SLC6A11: variants seen among roughly 807,000 people sequenced by gnomAD.
The protein encoded by SLC6A11 is solute carrier family 6 member 11, also known as sodium- and chloride-dependent GABA transporter 3.
A neutral mutation model predicts 74.8 loss-of-function variants in SLC6A11; 25 were observed. The ratio of observed to expected loss-of-function variants is 0.33; its 90% confidence interval spans 0.24 to 0.47. The LOEUF is 0.47. SLC6A11 is among the 20% of genes least tolerant of loss of function. The pLI is 1.00. For missense variants in SLC6A11, 574 were observed against 837.0 expected, an observed-to-expected ratio of 0.69 and a Z score of 3.88; for synonymous variants, 330 against 330.2, an observed-to-expected ratio of 1.00 and a Z score of 0.01.
At chr3:10,842,255 A>G (rs17033503) in intron 4 of SLC6A11, among the ~76,000 whole-genome samples, 49,150 of 152,014 alleles carry the variant, frequency 0.32, 8,219 homozygotes, top group South Asian at 0.52. Flanking sequence ...TTCAGGTGGC[A>G]TTTGTAGATC....
chr3:10,927,774 C>T (rs1033689496), intron 9 of SLC6A11, among the ~76,000 whole-genome samples: 4 of 152,242 alleles, frequency 2.6e-5, no homozygotes, highest in African/African-American at 9.6e-5. Flanking sequence ...CTCTCTGTGC[C>T]TCATTCCCTT....
At chr3:10,863,800 G>A (rs1694732123) in intron 5 of SLC6A11, among the ~76,000 whole-genome samples, 1 of 152,098 alleles carries the variant, frequency 6.6e-6, no homozygotes, top group African/African-American at 2.4e-5. Flanking sequence ...GTTTGTTCAG[G>A]GGACACAGGA....
intron 7 of SLC6A11, among the ~76,000 whole-genome samples, chr3:10,917,305 C>T (rs887966840): frequency 2.6e-5 from 4 of 152,130 alleles, no homozygotes; most frequent in Admixed American, 2.6e-4. Flanking sequence ...AAGAGCTGTC[C>T]AACAAGGGGA....
At chr3:10,823,107 T>C (rs1384255294) in intron 3 of SLC6A11, among the ~76,000 whole-genome samples, 195 bp from the exon 4 acceptor site, 1 of 152,164 alleles carries the variant, frequency 6.6e-6, no homozygotes, top group African/African-American at 2.4e-5. Context: ...CCCATAAACC[T>C]TTCCTCCTGT....
intron 5 of SLC6A11, among the ~76,000 whole-genome samples, chr3:10,852,286 C>T (rs577546378): frequency 2.8e-4 from 43 of 152,348 alleles, no homozygotes; most frequent in African/African-American, 9.9e-4. Context: ...AGAGCCCCTG[C>T]CCCGGGGCCC....
At position 10,820,782 on chromosome 3, in the gene SLC6A11, A is replaced by G. The variant is rs1177885581; in HGVS notation, c.532+930A>G. Among the ~76,000 whole-genome samples, 14 of 152,178 alleles carry G rather than the reference A, an allele frequency of 9.2e-5. 1 individual carries two copies. Among genetic ancestry groups the G allele is most frequent in the Non-Finnish European group, 2.1e-4 (14 of 68,038 alleles). On this transcript the variant is annotated intron_variant, in intron 3 of 13. Transcript: ENST00000254488. ...CTTCTCAGTCTAGTCTTGGCCTTAG[A>G]ACCCTTCTCCAATAGTGCTCCAGAG... is the stretch of plus-strand genomic sequence containing the variant.
At chr3:10,858,317 A>G (rs1694662358) in intron 5 of SLC6A11, among the ~76,000 whole-genome samples, 1 of 152,208 alleles carries the variant, frequency 6.6e-6, no homozygotes, top group Non-Finnish European at 1.5e-5. Context: ...ATATATGTAA[A>G]ACAGAGTTAG....
intron 6 of SLC6A11, among the ~76,000 whole-genome samples, chr3:10,901,208 C>G (rs1413117048): frequency 2.6e-5 from 4 of 152,170 alleles, no homozygotes; most frequent in Non-Finnish European, 1.5e-5. Flanking sequence ...CTGAGCCTCC[C>G]GTATTTAGCG....
chr3:10,873,802 CCTATG>C (rs1694871293), intron 5 of SLC6A11, among the ~76,000 whole-genome samples: 1 of 148,234 alleles, frequency 6.7e-6, no homozygotes, highest in Non-Finnish European at 1.5e-5. Flanking sequence ...CCTATCCTAT[CCTATG>C]CTATCCTATC....
At chr3:10,922,288 T>C (rs1380926993) in intron 8 of SLC6A11, among the ~76,000 whole-genome samples, 2 of 152,150 alleles carry the variant, frequency 1.3e-5, no homozygotes, top group East Asian at 3.8e-4. Context: ...ACCATGTTAA[T>C]AGATCTAACA....
In SLC6A11 at chr3:10,916,967, A is replaced by G. The variant is rs952180342; in HGVS notation, c.996-1362A>G. Among the ~76,000 whole-genome samples the G allele has an allele frequency of 4.6e-5, 7 of 152,202 alleles. 1 individual carries two copies. Among genetic ancestry groups the G allele is most frequent in the Non-Finnish European group, 8.8e-5 (6 of 68,040 alleles). ...AACAACCAAGAACAACATTAATGTA[A>G]CCTTTGGTTGCTTTATAAAAACTAT... On this transcript the variant is annotated intron_variant, in intron 7 of 13. Coordinates refer to ENST00000254488, the MANE Select transcript of SLC6A11 (RefSeq NM_014229.3).
intron 6 of SLC6A11, among the ~76,000 whole-genome samples, chr3:10,891,740 A>G (rs1343643811): frequency 1.3e-5 from 2 of 152,186 alleles, no homozygotes; most frequent in African/African-American, 4.8e-5. Context: ...TCCAGTTGAA[A>G]CATTTGCCAC....
chr3:10,832,769 C>T lies in SLC6A11; in HGVS notation c.623+9377C>T, dbSNP rs553807374. On this transcript the variant is annotated intron_variant, in intron 4 of 13. Coordinates refer to ENST00000254488, the MANE Select transcript of SLC6A11 (RefSeq NM_014229.3). ...GTTCAGAAATTTAATTCTCCTCTTC[C>T]GTCAGTTCCCTTTCATAGAAGCAGG... Among the ~76,000 whole-genome samples, 14 of 152,332 alleles carry T rather than the reference C, an allele frequency of 9.2e-5. No individual in the cohort carries two copies. In the South Asian group the frequency reaches 1.9e-3, roughly 20 times the overall value.
At position 10,926,224 on chromosome 3, in the gene SLC6A11, C is replaced by G. The variant is rs918390130; in HGVS notation, c.1233+108C>G. On this transcript the variant is annotated intron_variant, in intron 9 of 13. Transcript: ENST00000254488. This position sits in a 1 kb window ranked among gnomAD's most constrained non-coding sequence, Gnocchi z 5.7. Reference sequence around the variant, plus strand: ...CCAGGCCCAGCCACTCCCACCTGGCCCTGGCATCAGGGCCCTGCCCACCGT... The same window carrying G: ...CCAGGCCCAGCCACTCCCACCTGGCGCTGGCATCAGGGCCCTGCCCACCGT... 2.9e-6 allele frequency: 2 copies of G among 696,830 alleles called. No individual in the cohort carries two copies. Among genetic ancestry groups the G allele is most frequent in the African/African-American group, 3.6e-5 (2 of 55,884 alleles). 43.2% of individuals were successfully genotyped at this position (696,830 alleles called of 1,614,324 possible). A position where few individuals can be genotyped will look rare whatever the true frequency, so the allele number is the denominator to read the frequency against.
chr3:10,909,359 A>G (rs1559579569), intron 6 of SLC6A11, among the ~76,000 whole-genome samples: 1 of 152,192 alleles, frequency 6.6e-6, no homozygotes, highest in East Asian at 2.0e-4. Flanking sequence ...TGATGTGCCC[A>G]AAGAGCAAAT....
intron 7 of SLC6A11, among the ~76,000 whole-genome samples, chr3:10,917,919 C>A (rs1695479265): frequency 6.6e-6 from 1 of 152,194 alleles, no homozygotes; most frequent in Non-Finnish European, 1.5e-5. Flanking sequence ...GCTGAGAAGC[C>A]CCCATTTCTC....
At chr3:10,873,457 ATG>A in intron 5 of SLC6A11, among the ~76,000 whole-genome samples, 1 of 144,366 alleles carries the variant, frequency 6.9e-6, no homozygotes, top group African/African-American at 2.6e-5. Flanking sequence ...ATCCTATGGC[ATG>A]CTATCCTACC....
chr3:10,858,117 A>G (rs1694659852), intron 5 of SLC6A11, among the ~76,000 whole-genome samples: 1 of 152,206 alleles, frequency 6.6e-6, no homozygotes. Flanking sequence ...AGTGACTAAT[A>G]AAAGGGTGGT....
Position 10,919,038 on chromosome 3 carries a change from C to T in SLC6A11, c.1120+585C>T, listed in dbSNP as rs562242649. Among the ~76,000 whole-genome samples the T allele has an allele frequency of 3.3e-5, 5 of 152,154 alleles. No homozygotes were observed. The East Asian group carries it at 9.7e-4, about 30-fold the overall frequency. On this transcript the variant is annotated intron_variant, in intron 8 of 13. Transcript: ENST00000254488. ...TTCACTTCTGCAAGTTAACTCTCTC[C>T]TCCTCCCTCAGGGCCTTTGCACATG...
Sources: allele counts gnomAD v4.1 joint callset (sites outside exome capture counted in the v4.1 genomes callset), GRCh38; gene constraint gnomAD v4.1.1; non-coding constraint Gnocchi (gnomAD v3.1); transcripts MANE v1.5; gene names NCBI Gene and HGNC (gene_info 2026-07-23, HGNC 2026-07-21).